CNTN4: variants seen among roughly 807,000 people sequenced by gnomAD.
The protein encoded by CNTN4 is contactin 4, also known as contactin-4.
Under a neutral mutation model 122.5 loss-of-function variants are expected in CNTN4, and 77 were observed. The observed-to-expected ratio is 0.63, with a 90% CI of 0.52 to 0.76. The LOEUF is 0.76. Among genes scored for constraint, CNTN4 ranks in the 30% least tolerant of loss-of-function variants. CNTN4 has a pLI of 0.00. For missense variants in CNTN4, 1,256 were observed against 1,259.1 expected, an observed-to-expected ratio of 1.00 and a Z score of 0.04; for synonymous variants, 512 against 447.0, an observed-to-expected ratio of 1.15 and a Z score of -1.83.
intron 2 of CNTN4, among the ~76,000 whole-genome samples, chr3:2,116,328 C>T (rs1022115181): frequency 6.6e-6 from 1 of 152,052 alleles, no homozygotes; most frequent in Admixed American, 6.6e-5. Context: ...ATCCATCATT[C>T]CTGTCCTCAG....
intron 6 of CNTN4, among the ~76,000 whole-genome samples, chr3:2,805,805 A>G (rs1417009745): frequency 1.3e-5 from 2 of 152,220 alleles, no homozygotes; most frequent in African/African-American, 4.8e-5. Flanking sequence ...TTCTGGGTCC[A>G]CAGTCTGTGC....
chr3:2,995,368 A>T (rs1695441366), intron 14 of CNTN4, among the ~76,000 whole-genome samples: 1 of 152,240 alleles, frequency 6.6e-6, no homozygotes, highest in African/African-American at 2.4e-5. Context: ...GGCGATATCA[A>T]TCATGAGTAG....
At chr3:3,004,581 C>T (rs556530527) in intron 14 of CNTN4, among the ~76,000 whole-genome samples, 5 of 152,232 alleles carry the variant, frequency 3.3e-5, no homozygotes, top group Non-Finnish European at 5.9e-5. Context: ...GTTCTAATCT[C>T]GACATTACCA....
chr3:2,504,801 C>T (rs1273010258), intron 3 of CNTN4, among the ~76,000 whole-genome samples: 1 of 151,966 alleles, frequency 6.6e-6, no homozygotes, highest in Admixed American at 6.6e-5. Flanking sequence ...AAAAAGCAAC[C>T]AGAAAAATTC....
chr3:2,580,961 T>C (rs2079908561), intron 4 of CNTN4, among the ~76,000 whole-genome samples: 1 of 152,204 alleles, frequency 6.6e-6, no homozygotes, highest in Non-Finnish European at 1.5e-5. Context: ...CTTTTAATTG[T>C]CATGCTATGA....
rs147092660 is a variant in CNTN4, at chr3:2,169,025, A to C, written c.-145+68386A>C. Among the ~76,000 whole-genome samples, 67 of 152,342 alleles carry C rather than the reference A, an allele frequency of 4.4e-4. 1 individual carries two copies. Among genetic ancestry groups the C allele is most frequent in the African/African-American group, 1.5e-3 (61 of 41,588 alleles). On this transcript the variant is annotated intron_variant, in intron 2 of 24. Coordinates refer to ENST00000418658, the MANE Select transcript of CNTN4 (RefSeq NM_175607.3). ...ATTACCAAGTGATTTAAAATGTTTC[A>C]GAATTTTAAAACTAAAAGTAATAGG...
At chr3:2,920,751 C>T (rs1172625978) in intron 12 of CNTN4, among the ~76,000 whole-genome samples, 2 of 152,056 alleles carry the variant, frequency 1.3e-5, no homozygotes, top group Non-Finnish European at 2.9e-5. Context: ...ATGTTCAATA[C>T]ATGTATTATT....
chr3:2,469,669 A>C (rs1336885157), intron 3 of CNTN4, among the ~76,000 whole-genome samples: 3 of 152,132 alleles, frequency 2.0e-5, no homozygotes, highest in South Asian at 2.1e-4. Context: ...CCAGTTTTTC[A>C]CCTAGTTTAT....
chr3:2,333,054 A>G (rs1489044342), intron 2 of CNTN4, among the ~76,000 whole-genome samples: 1 of 152,052 alleles, frequency 6.6e-6, no homozygotes, highest in African/African-American at 2.4e-5. Flanking sequence ...ATCTGTCTCT[A>G]TCCTCTCCAA....
intron 2 of CNTN4, among the ~76,000 whole-genome samples, chr3:2,165,965 C>G (rs191074628): frequency 6.6e-6 from 1 of 152,064 alleles, no homozygotes; most frequent in African/African-American, 2.4e-5. Flanking sequence ...GGGTGTACCA[C>G]AATTTCTTCA....
At chr3:2,926,878 G>C (rs1406778092) in intron 13 of CNTN4, among the ~76,000 whole-genome samples, 1 of 152,118 alleles carries the variant, frequency 6.6e-6, no homozygotes, top group Non-Finnish European at 1.5e-5. Flanking sequence ...AAGCAGTGTA[G>C]TTCATTGAAT....
chr3:2,549,310 C>T (rs1334942548), intron 3 of CNTN4, among the ~76,000 whole-genome samples: 1 of 152,100 alleles, frequency 6.6e-6, no homozygotes, highest in Admixed American at 6.6e-5. Context: ...AGCTTTTGCC[C>T]ATTCAGTATG....
At chr3:2,623,506 G>T (rs1299810559) in intron 4 of CNTN4, among the ~76,000 whole-genome samples, 1 of 152,190 alleles carries the variant, frequency 6.6e-6, no homozygotes, top group Non-Finnish European at 1.5e-5. Flanking sequence ...AGGGGCAGGG[G>T]AGGTCAGAGG....
chr3:2,946,726 CAG>C (rs2094683340), intron 13 of CNTN4, among the ~76,000 whole-genome samples: 1 of 112,642 alleles, frequency 8.9e-6, no homozygotes, highest in South Asian at 2.9e-4. Flanking sequence ...TTTTTTGAGA[CAG>C]AGTCTCACTG....
chr3:2,457,420 T>C (rs1054638756), intron 3 of CNTN4, among the ~76,000 whole-genome samples: 1 of 152,124 alleles, frequency 6.6e-6, no homozygotes, highest in African/African-American at 2.4e-5. Context: ...GCACAGAGTA[T>C]GCCTGTTGGC....
At chr3:3,048,799 C>G (rs58788689) in intron 23 of CNTN4, among the ~76,000 whole-genome samples, 38,648 of 151,988 alleles carry the variant, frequency 0.25, 5,122 homozygotes, top group Middle Eastern at 0.34. Flanking sequence ...GGTTTATTTT[C>G]CCTTCTTCAC....
At chr3:2,374,092 A>C (rs1198451901) in intron 3 of CNTN4, among the ~76,000 whole-genome samples, 1 of 152,176 alleles carries the variant, frequency 6.6e-6, no homozygotes, top group East Asian at 1.9e-4. Flanking sequence ...ACCCCTAAAG[A>C]AGATGGTTCT....
At chr3:2,186,026 A>G (rs1274710956) in intron 2 of CNTN4, among the ~76,000 whole-genome samples, 1 of 152,014 alleles carries the variant, frequency 6.6e-6, no homozygotes, top group Non-Finnish European at 1.5e-5. Context: ...GCTGTGCTGC[A>G]CCCATTAACT....
intron 6 of CNTN4, among the ~76,000 whole-genome samples, chr3:2,778,218 A>T: frequency 8.8e-6 from 1 of 113,120 alleles, no homozygotes; most frequent in East Asian, 3.9e-4. Flanking sequence ...CGTCTCAAAT[A>T]AATAAATAAA....
Sources: gnomAD v4.1 joint callset for allele counts (sites outside exome capture counted in the v4.1 genomes callset) on GRCh38, gnomAD v4.1.1 for gene constraint, MANE v1.5 for transcripts, NCBI Gene and HGNC (gene_info 2026-07-23, HGNC 2026-07-21) for gene names.